The following KDM4C variants were observed in gnomAD, a reference collection of about 807,000 sequenced individuals.
KDM4C encodes lysine-specific demethylase 4C.
Under a neutral mutation model 129.3 loss-of-function variants are expected in KDM4C, and 81 were observed. The observed-to-expected ratio is 0.63, with a 90% CI of 0.52 to 0.75. The LOEUF (loss-of-function observed/expected upper bound fraction) is 0.75, where lower values mean the gene tolerates loss of function less well. Ranked by LOEUF, KDM4C falls within the 30% of genes least tolerant of loss-of-function variation. The probability of loss-of-function intolerance (pLI) is 0.00; values close to 1 mark genes in which losing one functional copy is unlikely to be tolerated. For missense variants in KDM4C, 1,457 were observed against 1,304.0 expected (o/e 1.12, Z -1.81); for synonymous variants, 573 against 456.1 (o/e 1.26, Z -3.26).
chr9:6,853,390 G>T (rs1203191409), intron 5 of KDM4C, among the ~76,000 whole-genome samples: 1 of 152,148 alleles, frequency 6.6e-6, no homozygotes, highest in Non-Finnish European at 1.5e-5. Flanking sequence ...TGATCGGAAG[G>T]CTGAGGTGAG....
At chr9:6,919,247 T>TTTCTTTCTTTCTTTTCTTTCTTTCTTTC in intron 8 of KDM4C, among the ~76,000 whole-genome samples, 8 of 106,292 alleles carry the variant, frequency 7.5e-5, no homozygotes, top group Non-Finnish European at 1.4e-4. Flanking sequence ...TCTTTCTTTC[T>TTTCTTTCTTTCTTTTCTTTCTTTCTTTC]TTTCTTTCTT....
chr9:6,859,080 G>C (rs996961966), intron 5 of KDM4C, among the ~76,000 whole-genome samples: 2 of 152,086 alleles, frequency 1.3e-5, no homozygotes, highest in African/African-American at 4.8e-5. Context: ...TTTTTAGTTA[G>C]TAGGGTTTGA....
rs959687854 is a variant in KDM4C, at chr9:7,061,560, G to T, written c.2424+12360G>T. ...GGGCATTTTATTGGGAAGAGATACT[G>T]GTCAGGTTCTCTAGAGAAGACTCGT... On this transcript the variant is annotated intron_variant, in intron 17 of 21. Transcript: ENST00000381309. Among the ~76,000 whole-genome samples the T allele has an allele frequency of 1.8e-4, 27 of 152,072 alleles. 1 individual carries two copies. The highest frequency in any genetic ancestry group is 1.9e-4 in the East Asian group (1 of 5,184).
intron 17 of KDM4C, 101 bp from the exon 18 acceptor site, chr9:7,103,584 T>G (rs1837345332): frequency 6.8e-6 from 6 of 877,458 alleles, no homozygotes; most frequent in Admixed American, 2.8e-5. Flanking sequence ...TCAGTTGTTT[T>G]TTTTTTTTTT....
chr9:6,888,848 C>T lies in KDM4C; in HGVS notation c.783+785C>T, dbSNP rs1308413275. 2.5e-5 allele frequency among the ~76,000 whole-genome samples: 2 copies of T among 80,792 alleles called. 1 individual carries two copies. Among genetic ancestry groups the T allele is most frequent in the Non-Finnish European group, 4.6e-5 (2 of 43,286 alleles). 53.0% of individuals were successfully genotyped at this position (80,792 alleles called of 152,430 possible). On this transcript the variant is annotated intron_variant, in intron 7 of 21. Coordinates refer to ENST00000381309, the MANE Select transcript of KDM4C (RefSeq NM_015061.6). ...TGTCGCCCAGGCTGGAGTGCAGTGG[C>T]GGGATCTCGGCTCACTGCAAGCTCC... is the stretch of plus-strand genomic sequence containing the variant.
chr9:7,147,271 G>A (rs976229221), intron 19 of KDM4C, among the ~76,000 whole-genome samples: 2 of 152,168 alleles, frequency 1.3e-5, no homozygotes, highest in Non-Finnish European at 2.9e-5. Flanking sequence ...GAAGCGTCCT[G>A]GGTAGGTCAA....
intron 3 of KDM4C, among the ~76,000 whole-genome samples, chr9:6,811,133 G>C (rs896149848): frequency 6.6e-6 from 1 of 152,068 alleles, no homozygotes; most frequent in African/African-American, 2.4e-5. Flanking sequence ...ATTTTTGTTG[G>C]AGACAAGAGG....
At chr9:6,806,537 T>TAAA (rs1199844508) in intron 3 of KDM4C, among the ~76,000 whole-genome samples, 1 of 139,326 alleles carries the variant, frequency 7.2e-6, no homozygotes, top group Non-Finnish European at 1.6e-5. Flanking sequence ...AAATAAATAA[T>TAAA]CCCAAATCTT....
chr9:6,991,795 G>T (rs1040437046), intron 12 of KDM4C, among the ~76,000 whole-genome samples: 1 of 152,160 alleles, frequency 6.6e-6, no homozygotes, highest in Non-Finnish European at 1.5e-5. Context: ...CAGCTGCCTG[G>T]GAAGCAGAGG....
At chr9:7,143,431 G>C (rs1885975) in intron 19 of KDM4C, among the ~76,000 whole-genome samples, 2 of 152,000 alleles carry the variant, frequency 1.3e-5, no homozygotes, top group Non-Finnish European at 2.9e-5. Context: ...TCTTACTTCA[G>C]AGGTTCATTA....
intron 17 of KDM4C, among the ~76,000 whole-genome samples, chr9:7,092,394 C>T (rs1022696032): frequency 2.0e-5 from 3 of 152,094 alleles, no homozygotes; most frequent in Admixed American, 1.3e-4. Flanking sequence ...TATCATGAAC[C>T]GCAAGTGTTA....
In KDM4C at chr9:6,938,488, C is replaced by T. The variant is rs1825228098; in HGVS notation, c.922-42437C>T. ...TGGCAAAGAATGGGAAAATGAAAAC[C>T]GACCGTATGAAGCTGTTTTTGGAAG... On this transcript the variant is annotated intron_variant, in intron 8 of 21. Coordinates refer to ENST00000381309, the MANE Select transcript of KDM4C (RefSeq NM_015061.6). 2.6e-5 allele frequency among the ~76,000 whole-genome samples: 4 copies of T among 152,144 alleles called. No individual in the cohort carries two copies. In the South Asian group the frequency reaches 6.2e-4, roughly 24 times the overall value.
At chr9:6,994,037 G>C (rs1177922109) in intron 12 of KDM4C, among the ~76,000 whole-genome samples, 1 of 152,164 alleles carries the variant, frequency 6.6e-6, no homozygotes, top group Admixed American at 6.5e-5. Context: ...CAGGGGTATA[G>C]GGGTGGGGAT....
rs146806787 is a variant in KDM4C at position 7,133,571 on chromosome 9, G to A, written c.2781+5335G>A. On this transcript the variant is annotated intron_variant, in intron 19 of 21. Transcript: ENST00000381309. Reference sequence around the variant, plus strand: ...CGCACAAAAGCTCCTCAAAATACACGGTGACAGAGGTAGGTCCTGATTGCA... The same window carrying A: ...CGCACAAAAGCTCCTCAAAATACACAGTGACAGAGGTAGGTCCTGATTGCA... Among the ~76,000 whole-genome samples the A allele has an allele frequency of 4.6e-5, 7 of 152,248 alleles. No homozygotes were observed. The East Asian group carries it at 7.7e-4, about 17-fold the overall frequency.
chr9:6,825,541 C>G (rs1813894577), intron 4 of KDM4C, among the ~76,000 whole-genome samples: 1 of 152,192 alleles, frequency 6.6e-6, no homozygotes, highest in South Asian at 2.1e-4. Flanking sequence ...GACAGTGATT[C>G]TCAAACTGGA....
chr9:6,963,685 C>T (rs903094528), intron 8 of KDM4C, among the ~76,000 whole-genome samples: 1 of 152,180 alleles, frequency 6.6e-6, no homozygotes, highest in African/African-American at 2.4e-5. Context: ...TTTATGAGAT[C>T]CATTCCTTCT....
At chr9:7,000,095 G>C (rs1319843629) in intron 12 of KDM4C, among the ~76,000 whole-genome samples, 2 of 152,078 alleles carry the variant, frequency 1.3e-5, no homozygotes, top group Non-Finnish European at 2.9e-5. Context: ...GATGTTGTTG[G>C]CATTCAGATA....
At chr9:7,076,478 A>G (rs1317614892) in intron 17 of KDM4C, 37 of 1,550,358 alleles carry the variant, frequency 2.4e-5, no homozygotes, top group Non-Finnish European at 3.0e-5. Flanking sequence ...AACAACAACA[A>G]TAACAATGAA....
intron 8 of KDM4C, among the ~76,000 whole-genome samples, chr9:6,942,180 G>T (rs986238999): frequency 6.6e-6 from 1 of 151,964 alleles, no homozygotes; most frequent in South Asian, 2.1e-4. Flanking sequence ...CTGGTTTCTT[G>T]TAATTTATTA....
Sources: allele counts gnomAD v4.1 joint callset (sites outside exome capture counted in the v4.1 genomes callset), GRCh38; gene constraint gnomAD v4.1.1; transcripts MANE v1.5; gene names NCBI Gene and HGNC (gene_info 2026-07-23, HGNC 2026-07-21).